The following COL6A6 variants were observed in gnomAD, a reference collection of about 807,000 sequenced individuals.
The protein encoded by COL6A6 is collagen type VI alpha 6 chain, also known as collagen alpha-6(VI) chain.
Under a neutral mutation model 208.6 loss-of-function variants are expected in COL6A6, and 183 were observed. The ratio of observed to expected loss-of-function variants is 0.88; its 90% CI spans 0.78 to 0.99. The LOEUF (loss-of-function observed/expected upper bound fraction) is 0.99, where lower values mean the gene tolerates loss of function less well. Ranked by LOEUF, COL6A6 falls within the 50% of genes least tolerant of loss-of-function variation. The probability of loss-of-function intolerance (pLI) is 0.00; values close to 1 mark genes in which losing one functional copy is unlikely to be tolerated. For missense variants in COL6A6, 2,816 were observed against 2,815.2 expected, an observed-to-expected ratio of 1.00 and a Z score of -0.01; for synonymous variants, 973 against 1,011.8, an observed-to-expected ratio of 0.96 and a Z score of 0.73.
intron 1 of COL6A6, among the ~76,000 whole-genome samples, chr3:130,547,652 G>A (rs183757541): frequency 2.8e-4 from 43 of 152,308 alleles, no homozygotes; most frequent in African/African-American, 1.0e-3. Context: ...CATCACAGGC[G>A]TTCATGATCT....
chr3:130,569,097 A>C (rs6800326), intron 6 of COL6A6, among the ~76,000 whole-genome samples: 1 of 152,116 alleles, frequency 6.6e-6, no homozygotes. Flanking sequence ...ACCCTGTGTC[A>C]CGTGGGCTAC....
intron 23 of COL6A6, among the ~76,000 whole-genome samples, chr3:130,616,907 A>G (rs2064545933): frequency 6.6e-6 from 1 of 152,126 alleles, no homozygotes; most frequent in East Asian, 1.9e-4. Flanking sequence ...TAGCTACCTC[A>G]TTGGATTGTT....
intron 10 of COL6A6, among the ~76,000 whole-genome samples, chr3:130,584,527 G>C (rs1201839985): frequency 6.6e-6 from 1 of 152,068 alleles, no homozygotes; most frequent in East Asian, 1.9e-4. Context: ...CTAGAACCAG[G>C]AAAGTCCCAG....
intron 23 of COL6A6, among the ~76,000 whole-genome samples, chr3:130,617,740 G>A (rs552445515): frequency 3.2e-4 from 49 of 152,198 alleles, no homozygotes; most frequent in Admixed American, 5.2e-4. Flanking sequence ...TTCATTGTGA[G>A]TTTTCATACA....
intron 36 of COL6A6, 141 bp downstream of exon 36, chr3:130,665,237 T>C (rs1465030425): frequency 2.9e-5 from 17 of 578,462 alleles, no homozygotes; most frequent in South Asian, 4.9e-5. Context: ...TAAAATATAA[T>C]TCGAAGGAAC....
chr3:130,645,668 C>T (rs980880017), intron 32 of COL6A6, among the ~76,000 whole-genome samples: 1 of 152,124 alleles, frequency 6.6e-6, no homozygotes, highest in Non-Finnish European at 1.5e-5. Flanking sequence ...ATGCAGAAGG[C>T]AGAATAAAAG....
chr3:130,537,040 G>A (rs1395630210), intron 1 of COL6A6, among the ~76,000 whole-genome samples: 3 of 152,184 alleles, frequency 2.0e-5, no homozygotes, highest in African/African-American at 7.2e-5. Context: ...TTATTCCTAT[G>A]TTTCTAGCTG....
intron 27 of COL6A6, among the ~76,000 whole-genome samples, chr3:130,635,051 A>G (rs1389562837): frequency 6.6e-6 from 1 of 152,192 alleles, no homozygotes; most frequent in Non-Finnish European, 1.5e-5. Context: ...CCTGGCCAAC[A>G]TGGCAAAACC....
At chr3:130,608,987 G>T (rs199518096) in intron 22 of COL6A6, 23 bp downstream of exon 22, 1 of 1,577,656 alleles carries the variant, frequency 6.3e-7, no homozygotes, top group South Asian at 1.1e-5. Context: ...ACCAATCAGG[G>T]TGTGAGAACA....
At chr3:130,599,943 C>A in intron 20 of COL6A6, 133 bp downstream of exon 20, 1 of 792,770 alleles carries the variant, frequency 1.3e-6, no homozygotes, top group Non-Finnish European at 2.1e-6. Flanking sequence ...CTTATGACAT[C>A]TCGCAGACCA....
intron 13 of COL6A6, among the ~76,000 whole-genome samples, chr3:130,592,200 T>C (rs374330133): frequency 6.8e-6 from 1 of 146,436 alleles, no homozygotes; most frequent in Admixed American, 6.9e-5. Flanking sequence ...GGTGAAGGTT[T>C]ATAGGTAAGT....
chr3:130,605,389 T>A (rs1294509616), intron 20 of COL6A6, among the ~76,000 whole-genome samples: 1 of 151,412 alleles, frequency 6.6e-6, no homozygotes, highest in Non-Finnish European at 1.5e-5. Context: ...TGTGTGTGTG[T>A]GAGATCTTTA....
intron 6 of COL6A6, among the ~76,000 whole-genome samples, chr3:130,570,312 T>A (rs957917531): frequency 2.0e-5 from 3 of 152,234 alleles, no homozygotes; most frequent in Non-Finnish European, 4.4e-5. Flanking sequence ...AAAAGTAACT[T>A]TGAAAAGTCA....
intron 20 of COL6A6, among the ~76,000 whole-genome samples, chr3:130,603,851 T>A (rs1009053967): frequency 6.6e-5 from 10 of 152,208 alleles, no homozygotes; most frequent in Non-Finnish European, 1.0e-4. Flanking sequence ...TGGTTCTATA[T>A]CTAGGAAATT....
intron 8 of COL6A6, among the ~76,000 whole-genome samples, chr3:130,580,876 G>A (rs185349292): frequency 8.5e-5 from 13 of 152,264 alleles, no homozygotes; most frequent in African/African-American, 2.9e-4. Flanking sequence ...CGTGGCTTCT[G>A]GAATGGCTGA....
intron 12 of COL6A6, among the ~76,000 whole-genome samples, chr3:130,590,749 A>G (rs2063690391): frequency 1.3e-5 from 2 of 150,882 alleles, no homozygotes; most frequent in Non-Finnish European, 3.0e-5. Flanking sequence ...TTATATTTTT[A>G]GTAGAGACGG....
intron 33 of COL6A6, among the ~76,000 whole-genome samples, chr3:130,651,425 C>CAAAAAAAAA (rs35957602): frequency 3.3e-5 from 2 of 61,024 alleles, no homozygotes; most frequent in African/African-American, 6.3e-5. Flanking sequence ...GACTCCATCT[C>CAAAAAAAAA]AAAAAAAAAA....
intron 32 of COL6A6, among the ~76,000 whole-genome samples, chr3:130,648,258 T>C (rs934341148): frequency 1.3e-5 from 2 of 152,258 alleles, no homozygotes; most frequent in African/African-American, 4.8e-5. Context: ...AACAAAAATG[T>C]ATCTGTTAAA....
intron 1 of COL6A6, among the ~76,000 whole-genome samples, chr3:130,549,999 G>A (rs532715987): frequency 2.1e-4 from 32 of 152,218 alleles, no homozygotes; most frequent in South Asian, 4.1e-4. Context: ...TTTGAGCAGC[G>A]TTTCAGAAGT....
Sources: gnomAD v4.1 joint callset for allele counts (sites outside exome capture counted in the v4.1 genomes callset) on GRCh38, gnomAD v4.1.1 for gene constraint, MANE v1.5 for transcripts, NCBI Gene and HGNC (gene_info 2026-07-23, HGNC 2026-07-21) for gene names.